The following DNAH9 variants were observed in gnomAD, a reference collection of about 807,000 sequenced individuals.
DNAH9 encodes the protein DNAH9 variant protein.
DNAH9 carries 345 observed loss-of-function variants against 471.6 expected under a neutral mutation model. The ratio of observed to expected loss-of-function variants is 0.73; its 90% confidence interval spans 0.67 to 0.80. DNAH9 has a LOEUF of 0.80. Ranked by LOEUF, DNAH9 falls within the 30% of genes least tolerant of loss-of-function variation. The pLI, the probability that DNAH9 is intolerant of heterozygous loss-of-function variation, is 0.00. For synonymous variants in DNAH9, 2,093 were observed against 2,123.6 expected (o/e 0.99, Z 0.40); for missense variants, 5,407 against 5,609.2 (o/e 0.96, Z 1.15).
chr17:11,801,823 T>C (rs993584883), intron 43 of DNAH9, among the ~76,000 whole-genome samples: 1 of 152,118 alleles, frequency 6.6e-6, no homozygotes, highest in African/African-American at 2.4e-5. Flanking sequence ...GAATTTAATT[T>C]GAAAAAATTG....
At chr17:11,880,350 C>T (rs1032191329) in intron 54 of DNAH9, 150 bp downstream of exon 54, 30 of 1,056,078 alleles carry the variant, frequency 2.8e-5, no homozygotes, top group Non-Finnish European at 3.8e-5. Flanking sequence ...TTTCTTCCAG[C>T]AGAGGTCTAT....
chr17:11,636,296 G>A (rs1313478932), intron 8 of DNAH9, among the ~76,000 whole-genome samples: 4 of 152,260 alleles, frequency 2.6e-5, no homozygotes, highest in Admixed American at 1.3e-4. Flanking sequence ...GAGCCACCGC[G>A]CCTGGCCTGT....
intron 55 of DNAH9, among the ~76,000 whole-genome samples, chr17:11,881,710 C>T (rs1347406465): frequency 2.0e-5 from 3 of 152,046 alleles, no homozygotes; most frequent in Non-Finnish European, 4.4e-5. Context: ...AGTTCGAGAC[C>T]AGCCTGGCCA....
intron 33 of DNAH9, among the ~76,000 whole-genome samples, chr17:11,753,844 C>T (rs1051073872): frequency 1.3e-5 from 2 of 152,108 alleles, no homozygotes; most frequent in Admixed American, 6.5e-5. Context: ...TTTGAGGGTA[C>T]CTGTGCAGGT....
At chr17:11,618,583 T>TC (rs1555550459) in intron 5 of DNAH9, among the ~76,000 whole-genome samples, 2 of 25,456 alleles carry the variant, frequency 7.9e-5, no homozygotes, top group Admixed American at 1.1e-3. Context: ...AGACTCCATC[T>TC]CAAAAAAAAA....
intron 15 of DNAH9, among the ~76,000 whole-genome samples, chr17:11,668,759 T>G (rs548382150): frequency 2.0e-4 from 30 of 151,492 alleles, no homozygotes; most frequent in African/African-American, 7.0e-4. Flanking sequence ...GGGGAGTGGC[T>G]TGGGCTGATC....
intron 49 of DNAH9, among the ~76,000 whole-genome samples, chr17:11,836,099 C>A (rs1330753285): frequency 6.6e-6 from 1 of 152,204 alleles, no homozygotes; most frequent in African/African-American, 2.4e-5. Context: ...GCTGCCACAT[C>A]CTCCCTTGAA....
intron 13 of DNAH9, among the ~76,000 whole-genome samples, chr17:11,651,643 G>T (rs1181016585): frequency 6.6e-6 from 1 of 152,126 alleles, no homozygotes; most frequent in Non-Finnish European, 1.5e-5. Context: ...TATTATCTTT[G>T]TTATTTAATT....
Position 11,834,370 on chromosome 17 carries a change from G to GA in DNAH9, c.9247-265dup, listed in dbSNP as rs142959994. On this transcript the variant is annotated intron_variant, in intron 48 of 68. Coordinates refer to ENST00000262442, the MANE Select transcript of DNAH9 (RefSeq NM_001372.4). Reference sequence around the variant, plus strand: ...AAAAAGAAGAAGAAGAAATAAAAAAGAAAGGTCAGGGCACATGTAATTTAG... The same window carrying GA: ...AAAAAGAAGAAGAAGAAATAAAAAAGAAAAGGTCAGGGCACATGTAATTTAG... Among the ~76,000 whole-genome samples the GA allele has an allele frequency of 5.9e-3, 807 of 136,652 alleles. 11 individuals carry two copies. Among genetic ancestry groups the GA allele is most frequent in the African/African-American group, 0.021 (779 of 37,636 alleles). The allele number at this position is 136,652 out of a possible 152,430, so 89.6% of individuals were successfully genotyped here.
Position 11,881,513 on chromosome 17 carries a change from A to G in DNAH9, c.10806+100A>G, listed in dbSNP as rs886425873. 13 of 1,207,748 alleles carry G rather than the reference A, an allele frequency of 1.1e-5. No homozygotes were observed. The East Asian group carries it at 3.3e-4, about 31-fold the overall frequency. The allele number at this position is 1,207,748 out of a possible 1,614,324, so 74.8% of individuals were successfully genotyped here. A position where few individuals can be genotyped will look rare whatever the true frequency, so the allele number is the denominator to read the frequency against. On this transcript the variant is annotated intron_variant, in intron 55 of 68. Transcript: ENST00000262442. ...GGGGCTGTTTTTCCTGGATTGAGTT[A>G]GGTGGGTTCTGCTAGACTCTGGAAG...
chr17:11,940,587 T>C (rs1974873656), intron 66 of DNAH9, among the ~76,000 whole-genome samples: 1 of 152,218 alleles, frequency 6.6e-6, no homozygotes, highest in Non-Finnish European at 1.5e-5. Flanking sequence ...GACAGAGTGA[T>C]TGGTTTTTAC....
At chr17:11,854,700 G>T (rs1197081720) in intron 50 of DNAH9, among the ~76,000 whole-genome samples, 2 of 152,154 alleles carry the variant, frequency 1.3e-5, no homozygotes, top group African/African-American at 4.8e-5. Flanking sequence ...TTAAAATTTT[G>T]AGACTTTTTC....
Position 11,930,102 on chromosome 17 carries a change from C to T in DNAH9, c.12105+9C>T. The T allele has an allele frequency of 6.2e-7, 1 of 1,610,312 alleles. No homozygotes were observed. The highest frequency in any genetic ancestry group is 2.2e-5 in the East Asian group (1 of 44,826). On this transcript the variant is annotated intron_variant, in intron 63 of 68. Coordinates refer to ENST00000262442, the MANE Select transcript of DNAH9 (RefSeq NM_001372.4). Reference sequence around the variant, plus strand: ...TGGACAACTTCACTCAGGTACGGCCCCGGGAGGGAGGCAAAAACAGCAGCA... The same window carrying T: ...TGGACAACTTCACTCAGGTACGGCCTCGGGAGGGAGGCAAAAACAGCAGCA...
At chr17:11,617,300 C>T in intron 4 of DNAH9, 111 bp from the exon 5 acceptor site, 1 of 689,922 alleles carries the variant, frequency 1.4e-6, no homozygotes, top group South Asian at 1.9e-5. Context: ...CTGGAACCAG[C>T]CTTCTCTCTG....
rs184010545 is a variant in DNAH9 at position 11,962,880 on chromosome 17, C to T, written c.13233+624C>T. Reference sequence around the variant, plus strand: ...TTGGCAAAGAGGAGCCAGTAGATATCACTTAAAGTGGCATTTTGAAAGGAT... The same window carrying T: ...TTGGCAAAGAGGAGCCAGTAGATATTACTTAAAGTGGCATTTTGAAAGGAT... On this transcript the variant is annotated intron_variant, in intron 68 of 68. Coordinates refer to ENST00000262442, the MANE Select transcript of DNAH9 (RefSeq NM_001372.4). This position sits in a 1 kb window ranked among gnomAD's most constrained non-coding sequence, Gnocchi z 4.1. Among the ~76,000 whole-genome samples, 314 of 152,246 alleles carry T rather than the reference C, an allele frequency of 2.1e-3. 3 individuals are homozygous for T. The highest frequency in any genetic ancestry group is 5.8e-3 in the South Asian group (28 of 4,814).
In DNAH9 at chr17:11,828,051, G is replaced by A. The variant is rs180851275; in HGVS notation, c.9246+5017G>A. Reference sequence around the variant, plus strand: ...CCCACCACATCTCACTCCTTTCAAAGCGCTACTGCTGAGTCATGGATATCT... The same window carrying A: ...CCCACCACATCTCACTCCTTTCAAAACGCTACTGCTGAGTCATGGATATCT... On this transcript the variant is annotated intron_variant, in intron 48 of 68. Transcript: ENST00000262442. 2.6e-3 allele frequency among the ~76,000 whole-genome samples: 400 copies of A among 152,228 alleles called. 2 individuals are homozygous for A. The highest frequency in any genetic ancestry group is 3.9e-3 in the Non-Finnish European group (266 of 68,010).
rs372674851 is a variant in DNAH9 at position 11,822,892 on chromosome 17, G to A, written c.9104G>A (p.Arg3035His). ...TSQSYLSNEQ[R>H]YNYTTPKSFL... Reference sequence around the variant, plus strand: ...CAGTCTTATCTGAGCAATGAACAGCGCTACAACTATACAACTCCCAAGTCC... The same window carrying A: ...CAGTCTTATCTGAGCAATGAACAGCACTACAACTATACAACTCCCAAGTCC... The change falls in exon 48 of 69, where the codon CGC becomes CAC. Residue 3035 changes from arginine (R) to histidine (H), a missense_variant. Arg to His is a conservative substitution (Grantham distance 29, BLOSUM62 0). This residue lies in a region of DNAH9 where 4,636 missense variants were observed against 4,900.3 expected (regional missense o/e 0.95). Transcript: ENST00000262442. 4.9e-5 allele frequency: 79 copies of A among 1,614,106 alleles called. No homozygotes were observed. The highest frequency in any genetic ancestry group is 5.8e-5 in the Non-Finnish European group (68 of 1,180,056).
intron 43 of DNAH9, 71 bp downstream of exon 43, chr17:11,797,864 A>C: frequency 6.7e-7 from 1 of 1,485,274 alleles, no homozygotes; most frequent in Non-Finnish European, 9.1e-7. Context: ...TCATTCGGCT[A>C]TTTGAGGTCA....
chr17:11,608,135 C>T lies in DNAH9; in HGVS notation c.424C>T (p.Leu142=). 6.3e-7 allele frequency: 1 copy of T among 1,593,640 alleles called. No individual in the cohort carries two copies. Among genetic ancestry groups the T allele is most frequent in the African/African-American group, 1.3e-5 (1 of 74,498 alleles). The change falls in exon 2 of 69, where the codon CTA becomes TTA. Residue 142 remains leucine, a synonymous_variant. Transcript: ENST00000262442. Reference sequence around the variant, plus strand: ...CTGTGCACCTCTGTTCCAGGTTGTTCTACCCGTCCTGGCCAATGAGAAGAA... The same window carrying T: ...CTGTGCACCTCTGTTCCAGGTTGTTTTACCCGTCCTGGCCAATGAGAAGAA... The part of the protein sequence containing the change: ...HLAALFSEVV[L]PVLANEKNRL...
Sources: gnomAD v4.1 joint callset for allele counts (sites outside exome capture counted in the v4.1 genomes callset) on GRCh38, gnomAD v4.1.1 for gene constraint, gnomAD v4.1.1 regional missense constraint, Gnocchi (gnomAD v3.1) non-coding constraint, MANE v1.5 for transcripts, NCBI Gene and HGNC (gene_info 2026-07-23, HGNC 2026-07-21) for gene names.